Variants in QSOX2 observed in about 807,000 individuals in gnomAD.
The protein encoded by QSOX2 is quiescin sulfhydryl oxidase 2.
Under a neutral mutation model 61.7 loss-of-function variants are expected in QSOX2, and 46 were observed. The observed-to-expected ratio is 0.75, with a 90% confidence interval of 0.59 to 0.95. QSOX2 has a LOEUF of 0.95. QSOX2 is among the 40% of genes least tolerant of loss of function. QSOX2 has a pLI of 0.00. For synonymous variants in QSOX2, 383 were observed against 388.4 expected (o/e 0.99, Z 0.16); for missense variants, 879 against 918.9 (o/e 0.96, Z 0.56).
intron 1 of QSOX2, among the ~76,000 whole-genome samples, chr9:136,234,466 T>C (rs924753689): frequency 1.3e-5 from 2 of 152,206 alleles, no homozygotes; most frequent in Non-Finnish European, 2.9e-5. Flanking sequence ...GTCCGGCAGA[T>C]GTCCCACACC....
chr9:136,229,474 T>C (rs1437229306), intron 1 of QSOX2, among the ~76,000 whole-genome samples: 2 of 152,234 alleles, frequency 1.3e-5, no homozygotes, highest in African/African-American at 2.4e-5. Context: ...ATTCTGTTTA[T>C]TGGGAATTTC....
At chr9:136,220,426 C>T (rs1042762042) in intron 6 of QSOX2, among the ~76,000 whole-genome samples, 1 of 152,266 alleles carries the variant, frequency 6.6e-6, no homozygotes. Flanking sequence ...GAACTGGAAG[C>T]CCCAAGAGAC....
Position 136,243,167 on chromosome 9 carries a change from A to T in QSOX2, c.328+2309T>A, listed in dbSNP as rs543412726. On this transcript the variant is annotated intron_variant, in intron 1 of 11. Transcript: ENST00000358701. ...AAATAGCACACCCTGCAGGAAATCA[A>T]AATATTTCACCCCCAAATACATTTA... Among the ~76,000 whole-genome samples, 205 of 152,340 alleles carry T rather than the reference A, an allele frequency of 1.3e-3. 1 individual carries two copies. The highest frequency in any genetic ancestry group is 2.5e-3 in the Non-Finnish European group (167 of 68,034).
chr9:136,231,006 C>T (rs1482127018), intron 1 of QSOX2, among the ~76,000 whole-genome samples: 1 of 152,240 alleles, frequency 6.6e-6, no homozygotes, highest in East Asian at 1.9e-4. Flanking sequence ...CCTGCCCAGG[C>T]CTAGTTTCAT....
chr9:136,244,221 C>G (rs1830453192), intron 1 of QSOX2, among the ~76,000 whole-genome samples: 1 of 152,166 alleles, frequency 6.6e-6, no homozygotes, highest in Non-Finnish European at 1.5e-5. Flanking sequence ...AAAGCAGTGT[C>G]TAAAAACCCC....
At chr9:136,241,116 A>T (rs1315519452) in intron 1 of QSOX2, among the ~76,000 whole-genome samples, 2 of 152,176 alleles carry the variant, frequency 1.3e-5, no homozygotes, top group Non-Finnish European at 2.9e-5. Context: ...TGGGGAGGCC[A>T]GCGGGGAGCC....
At chr9:136,210,997 G>C in intron 11 of QSOX2, 2 of 722,322 alleles carry the variant, frequency 2.8e-6, no homozygotes, top group South Asian at 6.3e-5. Context: ...ACCGATGGGG[G>C]AAGAAAGAGC....
At chr9:136,233,320 G>A (rs116696870) in intron 1 of QSOX2, among the ~76,000 whole-genome samples, 2 of 152,204 alleles carry the variant, frequency 1.3e-5, no homozygotes, top group African/African-American at 2.4e-5. Flanking sequence ...CTTGCTGAAT[G>A]CCCCTGGCCA....
chr9:136,242,676 C>T (rs537979191), intron 1 of QSOX2, among the ~76,000 whole-genome samples: 25 of 152,360 alleles, frequency 1.6e-4, no homozygotes, highest in Admixed American at 1.2e-3. Flanking sequence ...GGGAGCCAGG[C>T]GCCAAGCAGA....
Position 136,222,941 on chromosome 9 carries a change from G to A in QSOX2, c.675+822C>T, listed in dbSNP as rs1347106302. Among the ~76,000 whole-genome samples, 1 of 152,222 alleles carries A rather than the reference G, an allele frequency of 6.6e-6. No individual in the cohort carries two copies. The highest frequency in any genetic ancestry group is 1.5e-5 in the Non-Finnish European group (1 of 68,032). On this transcript the variant is annotated intron_variant, in intron 5 of 11. Coordinates refer to ENST00000358701, the MANE Select transcript of QSOX2 (RefSeq NM_181701.4). The surrounding 1 kb of genome is among the most constrained non-coding windows in gnomAD (Gnocchi z 6.9). Reference sequence around the variant, plus strand: ...ACAGAGAATCCTGGCCAACCATCTGGAGGCAGCCTGGCGTCACCATCAAAC... The same window carrying A: ...ACAGAGAATCCTGGCCAACCATCTGAAGGCAGCCTGGCGTCACCATCAAAC...
chr9:136,244,386 C>T (rs1830454244), intron 1 of QSOX2, among the ~76,000 whole-genome samples: 1 of 152,126 alleles, frequency 6.6e-6, no homozygotes, highest in Admixed American at 6.5e-5. Flanking sequence ...TAAAGATAAC[C>T]ATTTACAGTA....
intron 1 of QSOX2, among the ~76,000 whole-genome samples, chr9:136,241,444 G>A (rs895166856): frequency 8.5e-5 from 13 of 152,188 alleles, no homozygotes; most frequent in African/African-American, 2.2e-4. Flanking sequence ...CAGCCTAGTC[G>A]AGTAGACAAG....
Position 136,218,756 on chromosome 9 carries a change from C to T in QSOX2, c.1009G>A (p.Val337Met). ...LESGLHYLLR[V>M]ELAAHKSLAG... is the part of the protein sequence containing the mutation. ...AGGGACTTGTGGGCTGCCAGCTCCACCCGCAGGAGGTAGTGTAGCCCTGAC... is the reference window on the plus strand; with the variant it reads ...AGGGACTTGTGGGCTGCCAGCTCCATCCGCAGGAGGTAGTGTAGCCCTGAC... Residue 337 changes from valine to methionine, a missense_variant, in exon 8 of 12, where the codon GTG becomes ATG. Coordinates refer to ENST00000358701, the MANE Select transcript of QSOX2 (RefSeq NM_181701.4). 1 of 1,613,668 alleles carries T rather than the reference C, an allele frequency of 6.2e-7. No individual in the cohort carries two copies. The highest frequency in any genetic ancestry group is 1.7e-5 in the Admixed American group (1 of 60,022).
In QSOX2 at chr9:136,245,657, C is replaced by A. The variant is rs1554758445; in HGVS notation, c.147G>T (p.Ala49=). Reference sequence around the variant, plus strand: ...CGCGGTACAGCCGCGCCGCACCGCCCGCGCCCGGCCCCACCGCCGCCGCCG... The same window carrying A: ...CGCGGTACAGCCGCGCCGCACCGCCAGCGCCCGGCCCCACCGCCGCCGCCG... ...LLAAAAVGPG[A]GGAARLYRAG... The change falls in exon 1 of 12, where the codon GCG becomes GCT. Residue 49 remains alanine, a synonymous_variant. Coordinates refer to ENST00000358701, the MANE Select transcript of QSOX2 (RefSeq NM_181701.4). The A allele has an allele frequency of 8.1e-7, 1 of 1,236,234 alleles. No individual in the cohort carries two copies. Among genetic ancestry groups the A allele is most frequent in the East Asian group, 3.4e-5 (1 of 29,710 alleles). 76.6% of individuals were successfully genotyped at this position (1,236,234 alleles called of 1,614,324 possible).
chr9:136,209,489 T>C lies in QSOX2; in HGVS notation c.1550-214A>G, dbSNP rs1432871204. 8.1e-6 allele frequency: 8 copies of C among 985,222 alleles called. No individual in the cohort carries two copies. Among genetic ancestry groups the C allele is most frequent in the Non-Finnish European group, 9.6e-6 (8 of 829,908 alleles). The allele number at this position is 985,222 out of a possible 1,614,324, so 61.0% of individuals were successfully genotyped here. ...GCTTCTGCAGGCCCCTGCGCACGTGTTCCCCTCTGCCGGTTCCCATAGCCT... is the reference window on the plus strand; with the variant it reads ...GCTTCTGCAGGCCCCTGCGCACGTGCTCCCCTCTGCCGGTTCCCATAGCCT... On this transcript the variant is annotated intron_variant, in intron 11 of 11. Coordinates refer to ENST00000358701, the MANE Select transcript of QSOX2 (RefSeq NM_181701.4). The surrounding 1 kb of genome is among the most constrained non-coding windows in gnomAD (Gnocchi z 5.6).
intron 1 of QSOX2, among the ~76,000 whole-genome samples, chr9:136,239,843 C>G (rs1441425265): frequency 6.6e-6 from 1 of 152,268 alleles, no homozygotes; most frequent in East Asian, 1.9e-4. Flanking sequence ...AGCAGCTGAA[C>G]AGGCGCCAGG....
In QSOX2 at chr9:136,219,174, A is replaced by G; in HGVS notation, c.822-10T>C. Reference sequence around the variant, plus strand: ...CCGCAGAGGCTTCACGCTGTGAGAGAGGGGAGGGCAAAGGTGAGAAGAGCC... The same window carrying G: ...CCGCAGAGGCTTCACGCTGTGAGAGGGGGGAGGGCAAAGGTGAGAAGAGCC... On this transcript the variant is annotated splice_polypyrimidine_tract_variant and intron_variant, in intron 6 of 11. Coordinates refer to ENST00000358701, the MANE Select transcript of QSOX2 (RefSeq NM_181701.4). The G allele has an allele frequency of 6.2e-7, 1 of 1,611,386 alleles. No individual in the cohort carries two copies. The highest frequency in any genetic ancestry group is 1.7e-4 in the Middle Eastern group (1 of 6,060).
At chr9:136,239,426 G>A (rs1564298661) in intron 1 of QSOX2, among the ~76,000 whole-genome samples, 1 of 152,194 alleles carries the variant, frequency 6.6e-6, no homozygotes, top group East Asian at 1.9e-4. Context: ...GGGAGCCACT[G>A]CCCCGGCCAC....
In QSOX2 at chr9:136,215,304, T is replaced by C; in HGVS notation, c.1210A>G (p.Ile404Val). 1 of 1,598,628 alleles carries C rather than the reference T, an allele frequency of 6.3e-7. No individual in the cohort carries two copies. Among genetic ancestry groups the C allele is most frequent in the Non-Finnish European group, 8.5e-7 (1 of 1,174,278 alleles). ...VLDLVNNKMR[I>V]SGIFLTNHIK... ...TGATTAGTAAGGAATATTCCAGAAA[T>C]CTGAAAAACAAACAAACAAAAAAAC... is the stretch of plus-strand genomic sequence containing the variant. The change falls in exon 10 of 12, where the codon ATT (isoleucine) becomes GTT (valine). Residue 404 changes from isoleucine to valine, a missense_variant and splice_region_variant. Physicochemically the swap from Ile to Val is conservative, Grantham distance 29. Transcript: ENST00000358701.
Sources: allele counts gnomAD v4.1 joint callset (sites outside exome capture counted in the v4.1 genomes callset), GRCh38; gene constraint gnomAD v4.1.1; non-coding constraint Gnocchi (gnomAD v3.1); transcripts MANE v1.5; gene names NCBI Gene and HGNC (gene_info 2026-07-23, HGNC 2026-07-21).